The following PLCE1 variants were observed in gnomAD, a reference collection of about 807,000 sequenced individuals.
PLCE1 encodes the protein 1-phosphatidylinositol 4,5-bisphosphate phosphodiesterase epsilon-1.
PLCE1 carries 119 observed loss-of-function variants against 242.8 expected under a neutral mutation model. The observed-to-expected ratio is 0.49, with a 90% CI of 0.42 to 0.57. PLCE1 has a LOEUF of 0.57. Among genes scored for constraint, PLCE1 ranks in the 20% least tolerant of loss-of-function variants. The pLI, the probability that PLCE1 is intolerant of heterozygous loss-of-function variation, is 0.00. For missense variants in PLCE1, 2,441 were observed against 2,788.8 expected (o/e 0.88, Z 2.81); for synonymous variants, 945 against 1,017.4 (o/e 0.93, Z 1.35).
In PLCE1 at chr10:94,265,577, A is replaced by G. The variant is rs2051483965; in HGVS notation, c.4054-70A>G. On this transcript the variant is annotated intron_variant, in intron 14 of 32. Transcript: ENST00000371380. ...GAAAACAGAACAGCTTTAAAAAATG[A>G]TGTGGTGGTTTCTTTCCCCCTCTTA... is the stretch of plus-strand genomic sequence containing the variant. 10 of 1,246,736 alleles carry G rather than the reference A, an allele frequency of 8.0e-6. No individual in the cohort carries two copies. The East Asian group carries it at 2.3e-4, about 29-fold the overall frequency. The allele number at this position is 1,246,736 out of a possible 1,614,324, so 77.2% of individuals were successfully genotyped here.
At chr10:94,131,289 A>T (rs1322292424) in intron 2 of PLCE1, among the ~76,000 whole-genome samples, 3 of 152,144 alleles carry the variant, frequency 2.0e-5, no homozygotes, top group Non-Finnish European at 4.4e-5. Flanking sequence ...TCCCTTCAAT[A>T]ATGTCAAACC....
At chr10:94,048,330 C>G (rs776294899) in intron 2 of PLCE1, among the ~76,000 whole-genome samples, 4 of 151,974 alleles carry the variant, frequency 2.6e-5, no homozygotes, top group Non-Finnish European at 5.9e-5. Context: ...TGTGAATGTT[C>G]AAATTTAGGA....
At chr10:94,150,100 G>A (rs910638261) in intron 3 of PLCE1, among the ~76,000 whole-genome samples, 4 of 152,268 alleles carry the variant, frequency 2.6e-5, no homozygotes, top group African/African-American at 9.6e-5. Context: ...TAAACAAGTA[G>A]ATGTTAACAC....
chr10:93,994,912 C>T (rs1199675135), intron 1 of PLCE1, among the ~76,000 whole-genome samples: 1 of 152,148 alleles, frequency 6.6e-6, no homozygotes, highest in Non-Finnish European at 1.5e-5. Context: ...ATAGTGAGTT[C>T]CCTGAATACC....
chr10:94,171,623 G>A, intron 4 of PLCE1, 127 bp downstream of exon 4: 1 of 786,606 alleles, frequency 1.3e-6, no homozygotes. Flanking sequence ...CTTCCATGAT[G>A]GCTGTTTTTC....
At chr10:94,011,894 A>T (rs552141283) in intron 1 of PLCE1, among the ~76,000 whole-genome samples, 70 of 152,098 alleles carry the variant, frequency 4.6e-4, no homozygotes, top group African/African-American at 1.7e-3. Context: ...GCTCTGAATC[A>T]TATCATACCA....
At chr10:94,253,622 T>A (rs2050959885) in intron 9 of PLCE1, among the ~76,000 whole-genome samples, 1 of 152,104 alleles carries the variant, frequency 6.6e-6, no homozygotes, top group South Asian at 2.1e-4. Context: ...CCCAAAGTGT[T>A]GGGATTACAG....
intron 4 of PLCE1, among the ~76,000 whole-genome samples, chr10:94,205,322 A>G (rs1335549654): frequency 2.6e-5 from 4 of 152,208 alleles, no homozygotes; most frequent in African/African-American, 7.2e-5. Flanking sequence ...TTCATTTCCT[A>G]CTGTAGAGAA....
intron 1 of PLCE1, among the ~76,000 whole-genome samples, chr10:94,023,673 C>CT (rs376195730): frequency 4.6e-5 from 7 of 152,216 alleles, no homozygotes; most frequent in African/African-American, 1.7e-4. Context: ...TATGGACAAA[C>CT]TTTTTTGTGA....
At chr10:94,020,467 TG>T (rs1251059732) in intron 1 of PLCE1, among the ~76,000 whole-genome samples, 1 of 152,228 alleles carries the variant, frequency 6.6e-6, no homozygotes, top group Admixed American at 6.5e-5. Flanking sequence ...GAAGAGGAGA[TG>T]TTTTTAATTT....
In PLCE1 at chr10:94,246,352, G is replaced by T. The variant is rs773857638; in HGVS notation, c.2827G>T (p.Ala943Ser). 20 of 1,614,170 alleles carry T rather than the reference G, an allele frequency of 1.2e-5. 1 individual carries two copies. Among genetic ancestry groups the T allele is most frequent in the Non-Finnish European group, 1.7e-5 (20 of 1,180,016 alleles). The stretch of plus-strand genomic sequence containing the variant: ...GGTCTTGGATCTTTTTGCAGTGAAG[G>T]CTGTATACATGGGCCACCCTGGCAT... ...EGVLDLFAVK[A>S]VYMGHPGIDI... The change falls in exon 8 of 33, where the codon GCT becomes TCT. Residue 943 changes from alanine to serine, a missense_variant. By Grantham distance (99) the Ala-to-Ser change is moderately conservative. Transcript: ENST00000371380.
chr10:94,286,645 G>A (rs1287008718), intron 22 of PLCE1, among the ~76,000 whole-genome samples: 3 of 152,046 alleles, frequency 2.0e-5, no homozygotes, highest in African/African-American at 7.2e-5. Context: ...TTTGGCAGCT[G>A]CTACTGCTTG....
At position 94,132,391 on chromosome 10, in the gene PLCE1, C is replaced by A. The variant is rs769965610; in HGVS notation, c.1424C>A (p.Thr475Lys). The A allele has an allele frequency of 7.4e-6, 12 of 1,614,010 alleles. No individual in the cohort carries two copies. Among genetic ancestry groups the A allele is most frequent in the Non-Finnish European group, 1.0e-5 (12 of 1,179,992 alleles). The change falls in exon 3 of 33, where the codon ACG becomes AAG. Residue 475 changes from threonine (T) to lysine (K), a missense_variant. This residue lies in a region of PLCE1 where 733 missense variants were observed against 754.2 expected (regional missense o/e 0.97). Transcript: ENST00000371380. The part of the protein sequence containing the change: ...YITGSLLEAT[T>K]SLGARSGLLS... ...ACCGGTTCTCTCCTAGAAGCAACCA[C>A]GTCTTTGGGAGCAAGAAGTGGCCTT...
chr10:94,275,150 CA>C (rs1326203099), intron 19 of PLCE1, among the ~76,000 whole-genome samples: 1 of 152,122 alleles, frequency 6.6e-6, no homozygotes, highest in Non-Finnish European at 1.5e-5. Context: ...CACTAATGAA[CA>C]GAAGTCTTTT....
intron 3 of PLCE1, among the ~76,000 whole-genome samples, chr10:94,142,841 T>C (rs2047011616): frequency 1.3e-5 from 2 of 152,230 alleles, no homozygotes; most frequent in South Asian, 4.1e-4. Context: ...GCCACACCTG[T>C]GTAACTCCTT....
At chr10:94,220,281 T>TA (rs1351190993) in intron 4 of PLCE1, among the ~76,000 whole-genome samples, 16 of 149,692 alleles carry the variant, frequency 1.1e-4, no homozygotes, top group Admixed American at 6.7e-5. Context: ...TAGTACCAGC[T>TA]ACTTGGGAGG....
chr10:94,232,970 T>A (rs944541455), intron 5 of PLCE1, among the ~76,000 whole-genome samples: 16 of 152,320 alleles, frequency 1.1e-4, no homozygotes, highest in Middle Eastern at 3.4e-3. Context: ...TACTGCCCCC[T>A]GCACTTGGGG....
At chr10:94,204,788 AAGG>A (rs2049102014) in intron 4 of PLCE1, among the ~76,000 whole-genome samples, 1 of 122,486 alleles carries the variant, frequency 8.2e-6, no homozygotes, top group African/African-American at 3.1e-5. Context: ...GGAAGGAAGG[AAGG>A]AAGGAAGGAA....
rs990065377 is a variant in PLCE1 at position 94,268,534 on chromosome 10, C to G, written c.4282-395C>G. Among the ~76,000 whole-genome samples, 70 of 152,156 alleles carry G rather than the reference C, an allele frequency of 4.6e-4. 3 individuals are homozygous for G. Among genetic ancestry groups the G allele is most frequent in the Non-Finnish European group, 2.9e-5 (2 of 68,022 alleles). ...GCCAGTTCATTAAGGACTCAGTGGC[C>G]TTATTTTCTCTGGGCTGTGGCATCA... On this transcript the variant is annotated intron_variant, in intron 16 of 32. Transcript: ENST00000371380.
Sources: allele counts gnomAD v4.1 joint callset (sites outside exome capture counted in the v4.1 genomes callset), GRCh38; gene constraint gnomAD v4.1.1; regional missense constraint gnomAD v4.1.1; transcripts MANE v1.5; gene names NCBI Gene and HGNC (gene_info 2026-07-23, HGNC 2026-07-21).